The following LRRC7 variants were observed in gnomAD, a reference collection of about 807,000 sequenced individuals.
LRRC7 encodes leucine rich repeat containing 7.
In LRRC7, 23 loss-of-function variants were observed where a neutral mutation model predicts 175.7. The observed-to-expected ratio is 0.13, with a 90% confidence interval of 0.09 to 0.19. LRRC7 has a LOEUF of 0.19. Ranked by LOEUF, LRRC7 falls within the 10% of genes least tolerant of loss-of-function variation. The probability of loss-of-function intolerance (pLI) is 1.00; values close to 1 mark genes in which losing one functional copy is unlikely to be tolerated. For synonymous variants in LRRC7, 685 were observed against 680.9 expected (o/e 1.01, Z -0.09); for missense variants, 1,354 against 1,904.7 (o/e 0.71, Z 5.38).
chr1:70,070,919 G>A (rs1248988941), intron 23 of LRRC7, among the ~76,000 whole-genome samples: 1 of 152,162 alleles, frequency 6.6e-6, no homozygotes, highest in Non-Finnish European at 1.5e-5. Context: ...TGGAGAAGAG[G>A]GGCTTATTAC....
intron 1 of LRRC7, among the ~76,000 whole-genome samples, chr1:69,676,100 A>C (rs142958076): frequency 8.6e-5 from 13 of 151,868 alleles, no homozygotes; most frequent in African/African-American, 3.1e-4. Context: ...TATTTGGAAG[A>C]CTTTTTTTAA....
chr1:69,910,081 C>A (rs1646472793), intron 7 of LRRC7, among the ~76,000 whole-genome samples: 1 of 152,206 alleles, frequency 6.6e-6, no homozygotes, highest in South Asian at 2.1e-4. Flanking sequence ...GAGGCTTCTG[C>A]ATTCTTCACG....
chr1:69,715,077 A>G (rs1665193703), intron 2 of LRRC7, among the ~76,000 whole-genome samples: 1 of 151,854 alleles, frequency 6.6e-6, no homozygotes, highest in East Asian at 1.9e-4. Flanking sequence ...TTTAGTATCT[A>G]AGTCATACTG....
intron 3 of LRRC7, among the ~76,000 whole-genome samples, chr1:69,785,517 T>C (rs1434246587): frequency 1.3e-5 from 2 of 152,146 alleles, no homozygotes. Flanking sequence ...TTTGTATTAA[T>C]GTATTTCACT....
At chr1:69,664,025 T>G (rs1437550784) in intron 1 of LRRC7, among the ~76,000 whole-genome samples, 4 of 152,164 alleles carry the variant, frequency 2.6e-5, no homozygotes, top group Non-Finnish European at 5.9e-5. Context: ...CCGGCCTCGT[T>G]TTAATTTTTA....
At chr1:70,024,566 T>G (rs1657882876) in intron 17 of LRRC7, among the ~76,000 whole-genome samples, 4 of 152,052 alleles carry the variant, frequency 2.6e-5, no homozygotes, top group Admixed American at 2.6e-4. Flanking sequence ...GAGCAAATAC[T>G]TTATAGTGAG....
At chr1:69,648,373 G>A (rs1268433441) in intron 1 of LRRC7, among the ~76,000 whole-genome samples, 1 of 152,032 alleles carries the variant, frequency 6.6e-6, no homozygotes, top group East Asian at 1.9e-4. Flanking sequence ...GCCTAAGAAC[G>A]ACATACTCAC....
intron 2 of LRRC7, among the ~76,000 whole-genome samples, chr1:69,748,073 A>C: frequency 6.6e-6 from 1 of 152,258 alleles, no homozygotes; most frequent in South Asian, 2.1e-4. Context: ...TTTATACCCA[A>C]AGCAACTTAG....
At position 69,949,138 on chromosome 1, in the gene LRRC7, G is replaced by GA. The variant is rs1343157444; in HGVS notation, c.711+17580dup. 8.7e-3 allele frequency among the ~76,000 whole-genome samples: 1,163 copies of GA among 133,236 alleles called. 5 individuals carry two copies. The highest frequency in any genetic ancestry group is 0.027 in the African/African-American group (989 of 36,484). 87.4% of individuals were successfully genotyped at this position (133,236 alleles called of 152,430 possible). ...TAGTTACAAAAGTAGTTGTAATAAA[G>GA]AAAAAAAAAAAAGGAAAAAGAATGT... On this transcript the variant is annotated intron_variant, in intron 8 of 26. Transcript: ENST00000651989.
intron 9 of LRRC7, among the ~76,000 whole-genome samples, chr1:69,984,650 C>T (rs1653763223): frequency 6.6e-6 from 1 of 152,110 alleles, no homozygotes; most frequent in South Asian, 2.1e-4. Flanking sequence ...GTTACTAATC[C>T]AATCATTCCA....
chr1:69,781,684 A>AAAG (rs1557718738), intron 3 of LRRC7, among the ~76,000 whole-genome samples: 1 of 93,178 alleles, frequency 1.1e-5, no homozygotes, highest in Non-Finnish European at 2.1e-5. Flanking sequence ...TGTCTCAAAA[A>AAAG]AAAGAAGAAA....
intron 4 of LRRC7, among the ~76,000 whole-genome samples, chr1:69,816,325 G>T (rs940855548): frequency 1.3e-5 from 2 of 152,152 alleles, no homozygotes; most frequent in African/African-American, 4.8e-5. Flanking sequence ...TGAAGGCTCT[G>T]CTATCATGAC....
intron 1 of LRRC7, among the ~76,000 whole-genome samples, chr1:69,581,151 C>T (rs2100917618): frequency 6.6e-6 from 1 of 152,290 alleles, no homozygotes; most frequent in East Asian, 1.9e-4. Context: ...GTTGTTTATC[C>T]TACATTCTGT....
In LRRC7 at chr1:69,620,451, G is replaced by A. The variant is rs548677963; in HGVS notation, c.2+51810G>A. Among the ~76,000 whole-genome samples, 5 of 152,232 alleles carry A rather than the reference G, an allele frequency of 3.3e-5. No homozygotes were observed. In the South Asian group the frequency reaches 8.3e-4, roughly 25 times the overall value. ...GAATCGCACTCTTTCAACTGGTAAT[G>A]GGGAAGAAGACTAAGTATTACAAGT... is the stretch of plus-strand genomic sequence containing the variant. On this transcript the variant is annotated intron_variant, in intron 1 of 26. Transcript: ENST00000651989.
At chr1:69,921,434 A>G (rs1236776800) in intron 7 of LRRC7, among the ~76,000 whole-genome samples, 2 of 152,068 alleles carry the variant, frequency 1.3e-5, no homozygotes, top group Non-Finnish European at 2.9e-5. Flanking sequence ...ATTACATTCA[A>G]CCTATCTCCA....
chr1:70,077,208 T>C (rs967328491), intron 24 of LRRC7, among the ~76,000 whole-genome samples: 1 of 152,162 alleles, frequency 6.6e-6, no homozygotes, highest in African/African-American at 2.4e-5. Flanking sequence ...CATTTATCAT[T>C]TGGATTCCAA....
At chr1:69,769,277 C>T (rs12062248) in intron 3 of LRRC7, among the ~76,000 whole-genome samples, 5,649 of 152,136 alleles carry the variant, frequency 0.037, 334 homozygotes, top group African/African-American at 0.13. Flanking sequence ...TTGTTCTTGC[C>T]CATCTCCTAC....
chr1:69,749,087 G>C (rs1669552868), intron 2 of LRRC7, among the ~76,000 whole-genome samples: 1 of 152,086 alleles, frequency 6.6e-6, no homozygotes, highest in Non-Finnish European at 1.5e-5. Context: ...TTAACCTGAT[G>C]TTGTAATTTT....
chr1:69,761,247 G>A lies in LRRC7; in HGVS notation c.303+854G>A, dbSNP rs192139848. 4.2e-4 allele frequency among the ~76,000 whole-genome samples: 64 copies of A among 152,078 alleles called. No homozygotes were observed. The Middle Eastern group carries it at 0.01, about 24-fold the overall frequency. The stretch of plus-strand genomic sequence containing the variant: ...GGCTGAGAAGGGAAAAAAACGTCAT[G>A]CACTCAATTTCTGTTGCTTATGCTA... On this transcript the variant is annotated intron_variant, in intron 3 of 26. Coordinates refer to ENST00000651989, the MANE Select transcript of LRRC7 (RefSeq NM_001370785.2).
Sources: allele counts gnomAD v4.1 joint callset (sites outside exome capture counted in the v4.1 genomes callset), GRCh38; gene constraint gnomAD v4.1.1; transcripts MANE v1.5; gene names NCBI Gene and HGNC (gene_info 2026-07-23, HGNC 2026-07-21).